The following BICDL1 variants were observed in gnomAD, a reference collection of about 807,000 sequenced individuals.
The protein encoded by BICDL1 is BICD family like cargo adaptor 1.
In BICDL1, 20 loss-of-function variants were observed where a neutral mutation model predicts 76.8. That is an observed-to-expected ratio of 0.26 (90% confidence interval 0.18 to 0.38). The LOEUF (loss-of-function observed/expected upper bound fraction) is 0.38, where lower values mean the gene tolerates loss of function less well. Ranked by LOEUF, BICDL1 falls within the 10% of genes least tolerant of loss-of-function variation. BICDL1 has a pLI of 1.00. For synonymous variants in BICDL1, 383 were observed against 337.1 expected, an observed-to-expected ratio of 1.14 and a Z score of -1.49; for missense variants, 700 against 798.6, an observed-to-expected ratio of 0.88 and a Z score of 1.49.
At chr12:120,072,762 A>G in intron 6 of BICDL1, 33 bp downstream of exon 6, 2 of 1,586,106 alleles carry the variant, frequency 1.3e-6, no homozygotes, top group Non-Finnish European at 1.7e-6. Context: ...TCCTTACCCC[A>G]CAGGAGCTGG....
chr12:120,043,846 G>A (rs896825276), intron 2 of BICDL1, among the ~76,000 whole-genome samples: 1 of 152,190 alleles, frequency 6.6e-6, no homozygotes, highest in Non-Finnish European at 1.5e-5. Context: ...TACTTTATTA[G>A]GGAAGCAAAG....
At chr12:120,082,645 C>T (rs1397273004) in intron 8 of BICDL1, among the ~76,000 whole-genome samples, 1 of 152,004 alleles carries the variant, frequency 6.6e-6, no homozygotes, top group Non-Finnish European at 1.5e-5. Flanking sequence ...TGCAGTGACA[C>T]AATCATAGCT....
chr12:120,005,798 G>T (rs925972301), intron 2 of BICDL1, among the ~76,000 whole-genome samples: 11 of 152,130 alleles, frequency 7.2e-5, no homozygotes, highest in African/African-American at 2.7e-4. Context: ...AGGTACCACG[G>T]CTAATGTAAC....
At chr12:120,014,791 C>T (rs117785590) in intron 2 of BICDL1, among the ~76,000 whole-genome samples, 201 of 150,780 alleles carry the variant, frequency 1.3e-3, no homozygotes, top group Non-Finnish European at 2.3e-3. Context: ...CCCAGAAGTT[C>T]GAGACCACCC....
chr12:120,019,044 CAAA>C (rs60381935), intron 2 of BICDL1: 30 of 49,322 alleles, frequency 6.1e-4, no homozygotes, highest in African/African-American at 1.6e-3. Context: ...GACTCCGTCT[CAAA>C]AAAAAAAAAA....
chr12:120,090,084 C>T lies in BICDL1; in HGVS notation c.1704+13C>T. On this transcript the variant is annotated intron_variant, in intron 9 of 9. Coordinates refer to ENST00000548673, the MANE Select transcript of BICDL1 (RefSeq NM_001367886.1). ...GGAAGCTTGGCAGGTAAACTGGAGC[C>T]TGAGATCCAGGGCGAGAGGAGACTC... 5 of 1,613,440 alleles carry T rather than the reference C, an allele frequency of 3.1e-6. No homozygotes were observed. Among genetic ancestry groups the T allele is most frequent in the Middle Eastern group, 1.7e-4 (1 of 6,040 alleles).
At chr12:120,057,715 C>A (rs2138880232) in intron 2 of BICDL1, among the ~76,000 whole-genome samples, 1 of 152,302 alleles carries the variant, frequency 6.6e-6, no homozygotes, top group South Asian at 2.1e-4. Context: ...GATTGGCCCC[C>A]CTGGCTGGAA....
At chr12:120,000,601 T>A (rs1208562975) in intron 2 of BICDL1, 1 of 152,104 alleles carries the variant, frequency 6.6e-6, no homozygotes, top group Non-Finnish European at 1.5e-5. Flanking sequence ...AAGGGGAAAT[T>A]AAGATTTCTT....
intron 2 of BICDL1, chr12:120,056,962 C>T (rs117230881): frequency 0.012 from 5,232 of 438,084 alleles, 50 homozygotes; most frequent in Non-Finnish European, 0.017. Context: ...GGAGGCTGGG[C>T]CCTGTGCCAA....
At position 119,989,809 on chromosome 12, in the gene BICDL1, C is replaced by G. The variant is rs897640973; in HGVS notation, c.-60C>G. The G allele has an allele frequency of 5.9e-5, 52 of 881,602 alleles. 1 individual carries two copies. In the African/African-American group the frequency reaches 9.1e-4, roughly 15 times the overall value. The allele number at this position is 881,602 out of a possible 1,614,324, so 54.6% of individuals were successfully genotyped here. On this transcript the variant is annotated 5_prime_UTR_variant, in exon 1 of 10. Coordinates refer to ENST00000548673, the MANE Select transcript of BICDL1 (RefSeq NM_001367886.1). Reference sequence around the variant, plus strand: ...GGGGCGGCGCGGCAGGGCCCCTCCCCCCTGCAGCCTGGCGCGCGCGGGCCG... The same window carrying G: ...GGGGCGGCGCGGCAGGGCCCCTCCCGCCTGCAGCCTGGCGCGCGCGGGCCG...
rs541279901 is a variant in BICDL1, at chr12:120,004,843, C to T, written c.645+6107C>T. On this transcript the variant is annotated intron_variant, in intron 2 of 9. Coordinates refer to ENST00000548673, the MANE Select transcript of BICDL1 (RefSeq NM_001367886.1). Reference sequence around the variant, plus strand: ...TTTGTTTGTTTGTTTGTTTCTGAGACGGAGTGTCGCTCTTGTTGCCCAGGC... The same window carrying T: ...TTTGTTTGTTTGTTTGTTTCTGAGATGGAGTGTCGCTCTTGTTGCCCAGGC... Among the ~76,000 whole-genome samples the T allele has an allele frequency of 2.1e-4, 32 of 152,248 alleles. No individual in the cohort carries two copies. The South Asian group carries it at 4.3e-3, about 21-fold the overall frequency.
In BICDL1 at chr12:120,071,659, T is replaced by G; in HGVS notation, c.947T>G (p.Leu316Arg). ...CAGCTGGAGCTTCAGGAGGTGCGTC[T>G]CTCCTGCCGACAGCTGCAGGTGAAG... The part of the protein sequence containing the change: ...QSQLELQEVR[L>R]SCRQLQVKVE... Residue 316 changes from leucine to arginine, a missense_variant, in exon 5 of 10, where the codon CTC becomes CGC. Around this residue, in one of 3 missense-constraint regions of BICDL1, gnomAD observed 455 missense variants for 548.7 expected, o/e 0.83. Coordinates refer to ENST00000548673, the MANE Select transcript of BICDL1 (RefSeq NM_001367886.1). The surrounding 1 kb of genome is among the most constrained non-coding windows in gnomAD (Gnocchi z 4.8). 6.2e-7 allele frequency: 1 copy of G among 1,611,532 alleles called. No homozygotes were observed. The highest frequency in any genetic ancestry group is 8.5e-7 in the Non-Finnish European group (1 of 1,179,246).
intron 2 of BICDL1, among the ~76,000 whole-genome samples, chr12:120,058,087 C>A (rs1008010485): frequency 6.6e-6 from 1 of 152,012 alleles, no homozygotes; most frequent in African/African-American, 2.4e-5. Flanking sequence ...CCCGCCTCGG[C>A]CTCCCAAAGT....
At chr12:120,019,228 T>C (rs1385990343) in intron 2 of BICDL1, 1 of 151,874 alleles carries the variant, frequency 6.6e-6, no homozygotes, top group East Asian at 1.9e-4. Context: ...GTTACTGCAC[T>C]CCAACCTGGG....
intron 8 of BICDL1, among the ~76,000 whole-genome samples, chr12:120,088,515 C>A (rs1284632067): frequency 5.9e-5 from 9 of 151,806 alleles, no homozygotes. Context: ...TGCCACCACA[C>A]CCAGCTAATT....
intron 2 of BICDL1, chr12:120,019,391 G>A (rs1594123227): frequency 6.6e-6 from 1 of 152,184 alleles, no homozygotes; most frequent in South Asian, 2.1e-4. Flanking sequence ...GGGCATTAAA[G>A]CTGAAAGGAC....
Position 120,079,964 on chromosome 12 carries a change from G to T in BICDL1, c.1453-923G>T, listed in dbSNP as rs145396025. 1.3e-5 allele frequency among the ~76,000 whole-genome samples: 2 copies of T among 152,248 alleles called. No homozygotes were observed. Among genetic ancestry groups the T allele is most frequent in the Admixed American group, 1.3e-4 (2 of 15,284 alleles). On this transcript the variant is annotated intron_variant, in intron 7 of 9. Transcript: ENST00000548673. The surrounding 1 kb of genome is among the most constrained non-coding windows in gnomAD (Gnocchi z 4.3). Reference sequence around the variant, plus strand: ...TCCCTGTTGGCTTCTTTAGTTGGAGGTCAAGCCTTGTGTCACACCAAGTCT... The same window carrying T: ...TCCCTGTTGGCTTCTTTAGTTGGAGTTCAAGCCTTGTGTCACACCAAGTCT...
chr12:119,990,059 C>A lies in BICDL1; in HGVS notation c.191C>A (p.Ala64Glu). ...LALEEELALL[A>E]AGERPSDPGE... ...TTAGAGGAGGAGCTGGCGCTGCTGG[C>A]GGCCGGGGAGCGGCCGTCCGACCCC... Residue 64 changes from alanine (A) to glutamate (E), a missense_variant, in exon 1 of 10, where the codon GCG becomes GAG. By Grantham distance (107) the Ala-to-Glu change is moderately radical. Coordinates refer to ENST00000548673, the MANE Select transcript of BICDL1 (RefSeq NM_001367886.1). 6.5e-7 allele frequency: 1 copy of A among 1,534,230 alleles called. No individual in the cohort carries two copies. Among genetic ancestry groups the A allele is most frequent in the Non-Finnish European group, 8.7e-7 (1 of 1,142,920 alleles).
At chr12:120,035,726 A>G (rs1952519013) in intron 2 of BICDL1, among the ~76,000 whole-genome samples, 1 of 152,248 alleles carries the variant, frequency 6.6e-6, no homozygotes, top group Non-Finnish European at 1.5e-5. Flanking sequence ...ATGTTATAAT[A>G]AAAGGAAAAC....
Sources: gnomAD v4.1 joint callset for allele counts (sites outside exome capture counted in the v4.1 genomes callset) on GRCh38, gnomAD v4.1.1 for gene constraint, gnomAD v4.1.1 regional missense constraint, Gnocchi (gnomAD v3.1) non-coding constraint, MANE v1.5 for transcripts, NCBI Gene and HGNC (gene_info 2026-07-23, HGNC 2026-07-21) for gene names.